The following ZNF415 variants were observed in gnomAD, a reference collection of about 807,000 sequenced individuals.
ZNF415 encodes the protein zinc finger protein 415.
ZNF415 carries 5 observed loss-of-function variants against 7.3 expected under a neutral mutation model. The ratio of observed to expected loss-of-function variants is 0.69; its 90% CI spans 0.36 to 1.44. The LOEUF is 1.44. Among genes scored for constraint, ZNF415 ranks in the 40% most tolerant of loss-of-function variants. The pLI is 0.04. For missense variants in ZNF415, 628 were observed against 664.8 expected, an observed-to-expected ratio of 0.94 and a Z score of 0.61; for synonymous variants, 207 against 226.3, an observed-to-expected ratio of 0.91 and a Z score of 0.77.
In ZNF415 at chr19:53,108,063, C is replaced by A; in HGVS notation, c.*314G>T. The A allele has an allele frequency of 3.4e-6, 1 of 297,530 alleles. No homozygotes were observed. The allele number at this position is 297,530 out of a possible 1,614,324, so 18.4% of individuals were successfully genotyped here. A position where few individuals can be genotyped will look rare whatever the true frequency, so the allele number is the denominator to read the frequency against. ...ATCCTTGGTTAATAGCTTCAACATG[C>A]ACAAAATATACAAAGATGTTTACAC... On this transcript the variant is annotated 3_prime_UTR_variant, in exon 4 of 4. Transcript: ENST00000243643.
chr19:53,116,577 G>T, intron 2 of ZNF415, 144 bp from the exon 3 acceptor site: 2 of 1,008,646 alleles, frequency 2.0e-6, no homozygotes, highest in Non-Finnish European at 2.8e-6. Flanking sequence ...GTATTTTTGA[G>T]TACATATCTC....
At chr19:53,122,607 T>TC (rs1170710380) in intron 2 of ZNF415, 55 bp downstream of exon 2, 1 of 1,613,176 alleles carries the variant, frequency 6.2e-7, no homozygotes, top group African/African-American at 1.3e-5. Context: ...AGGCATTGTC[T>TC]CCCACCTTTC....
chr19:53,115,382 G>A, intron 3 of ZNF415: 1 of 298,330 alleles, frequency 3.4e-6, no homozygotes, highest in Admixed American at 4.4e-5. Context: ...GACCACGGGA[G>A]AAGTAGACCC....
At chr19:53,128,481 C>T (rs371728067) in intron 1 of ZNF415, among the ~76,000 whole-genome samples, 5 of 136,964 alleles carry the variant, frequency 3.7e-5, no homozygotes, top group South Asian at 2.8e-4. Context: ...CTTCATGGCC[C>T]GTTTAGCTTC....
chr19:53,132,375 C>G (rs931275913), intron 1 of ZNF415, among the ~76,000 whole-genome samples: 4 of 152,154 alleles, frequency 2.6e-5, no homozygotes, highest in Non-Finnish European at 5.9e-5. Context: ...CTCCCCAGCG[C>G]GGGCTCAGGG....
At position 53,122,435 on chromosome 19, in the gene ZNF415, T is replaced by C. The variant is rs771996222; in HGVS notation, c.15+227A>G. ...TCCATCCATGTCTGGGTGTGAGCCC[T>C]TCCCAGGACCATGCCCAGTGGACTC... On this transcript the variant is annotated intron_variant, in intron 2 of 3. Coordinates refer to ENST00000243643, the MANE Select transcript of ZNF415 (RefSeq NM_018355.4). 22 of 1,538,628 alleles carry C rather than the reference T, an allele frequency of 1.4e-5. No homozygotes were observed. In the South Asian group the frequency reaches 2.3e-4, roughly 16 times the overall value.
At position 53,116,344 on chromosome 19, in the gene ZNF415, C is replaced by T. The variant is rs939070516; in HGVS notation, c.105G>A (p.Met35Ile). The change falls in exon 3 of 4, where the codon ATG becomes ATA. Residue 35 changes from methionine (M) to isoleucine (I), a missense_variant. Transcript: ENST00000243643. ...AGACCAGGTTCCTGTAGTTCTCCAA[C>T]ATCACATCCCTGTATAAAGTCCTCT... ...STQRTLYRDV[M>I]LENYRNLVSL... 15 of 1,611,798 alleles carry T rather than the reference C, an allele frequency of 9.3e-6. No homozygotes were observed. Among genetic ancestry groups the T allele is most frequent in the African/African-American group, 1.3e-5 (1 of 74,760 alleles).
At chr19:53,118,589 A>G (rs1262914214) in intron 2 of ZNF415, among the ~76,000 whole-genome samples, 1 of 152,204 alleles carries the variant, frequency 6.6e-6, no homozygotes, top group Non-Finnish European at 1.5e-5. Flanking sequence ...TCAAAATCTT[A>G]GTATCTTCTT....
chr19:53,115,445 C>A (rs12609961), intron 3 of ZNF415: 6 of 484,006 alleles, frequency 1.2e-5, no homozygotes, highest in Admixed American at 3.3e-5. Flanking sequence ...AGAGAGTTCA[C>A]GGAAGTCAGA....
intron 1 of ZNF415, among the ~76,000 whole-genome samples, chr19:53,127,397 A>G (rs1197486899): frequency 6.6e-6 from 1 of 152,194 alleles, no homozygotes; most frequent in Non-Finnish European, 1.5e-5. Flanking sequence ...TAAATATCTT[A>G]GGGTCTCACT....
At chr19:53,115,445 C>T (rs12609961) in intron 3 of ZNF415, 208,093 of 483,072 alleles carry the variant, frequency 0.43, 47,262 homozygotes, top group East Asian at 0.61. Context: ...AGAGAGTTCA[C>T]GGAAGTCAGA....
chr19:53,129,687 AAGG>A (rs1203236180), intron 1 of ZNF415: 5 of 397,750 alleles, frequency 1.3e-5, no homozygotes, highest in African/African-American at 1.0e-4. Flanking sequence ...GTTGAGTGAG[AAGG>A]AGGAGATGTG....
In ZNF415 at chr19:53,109,810, G is replaced by C. The variant is rs771623828; in HGVS notation, c.235C>G (p.His79Asp). The C allele has an allele frequency of 1.9e-6, 3 of 1,613,826 alleles. No homozygotes were observed. Among genetic ancestry groups the C allele is most frequent in the East Asian group, 2.2e-5 (1 of 44,858 alleles). ...CTGAAGCAAAACTCTTCAATGTCAT[G>C]TTTTTCATGTTGTTCCAATGTCACT... Reference protein sequence around the residue: ...HTVTLEQHEKHDIEEFCFREI... With the variant: ...HTVTLEQHEKDDIEEFCFREI... Residue 79 changes from histidine (H) to aspartate (D), a missense_variant, in exon 4 of 4, where the codon CAT (histidine) becomes GAT (aspartate). By Grantham distance (81) the His-to-Asp change is moderately conservative. Transcript: ENST00000243643.
At chr19:53,112,153 A>C (rs2086329571) in intron 3 of ZNF415, among the ~76,000 whole-genome samples, 1 of 152,148 alleles carries the variant, frequency 6.6e-6, no homozygotes, top group Non-Finnish European at 1.5e-5. Context: ...CATGTTGGCC[A>C]GGCTGGTTTC....
chr19:53,112,210 C>T lies in ZNF415; in HGVS notation c.137-2302G>A, dbSNP rs535402394. On this transcript the variant is annotated intron_variant, in intron 3 of 3. Coordinates refer to ENST00000243643, the MANE Select transcript of ZNF415 (RefSeq NM_018355.4). ...CCGCCCACCTCAGCCTCCAAAAGTA[C>T]TCGGATTACAGGCGTGAGCAACCAC... is the stretch of plus-strand genomic sequence containing the variant. 4.6e-5 allele frequency among the ~76,000 whole-genome samples: 7 copies of T among 152,330 alleles called. No homozygotes were observed. The East Asian group carries it at 1.4e-3, about 29-fold the overall frequency.
chr19:53,114,003 T>C (rs1016601636), intron 3 of ZNF415, among the ~76,000 whole-genome samples: 2 of 152,332 alleles, frequency 1.3e-5, no homozygotes, highest in African/African-American at 4.8e-5. Flanking sequence ...GGGGCATCTC[T>C]ACATGTAGCA....
chr19:53,130,122 T>C (rs2089869397), intron 1 of ZNF415, among the ~76,000 whole-genome samples: 1 of 151,286 alleles, frequency 6.6e-6, no homozygotes, highest in Admixed American at 6.6e-5. Context: ...CTTTCACATA[T>C]CTGAGCAAAA....
At chr19:53,131,243 C>T (rs2090037750) in intron 1 of ZNF415, among the ~76,000 whole-genome samples, 1 of 151,808 alleles carries the variant, frequency 6.6e-6, no homozygotes, top group Admixed American at 6.6e-5. Flanking sequence ...CCCAGCTTTA[C>T]TCTCCCACTC....
intron 1 of ZNF415, among the ~76,000 whole-genome samples, chr19:53,127,356 G>T (rs570951993): frequency 6.6e-6 from 1 of 152,094 alleles, no homozygotes; most frequent in Non-Finnish European, 1.5e-5. Flanking sequence ...ACGAAATTTC[G>T]CAAGTCCCAG....
Sources: allele counts gnomAD v4.1 joint callset (sites outside exome capture counted in the v4.1 genomes callset), GRCh38; gene constraint gnomAD v4.1.1; transcripts MANE v1.5; gene names NCBI Gene and HGNC (gene_info 2026-07-23, HGNC 2026-07-21).